The following NVL variants were observed in gnomAD, a reference collection of about 807,000 sequenced individuals.
NVL encodes nuclear VCP like.
Under a neutral mutation model 110.2 loss-of-function variants are expected in NVL, and 84 were observed. The observed-to-expected ratio is 0.76, with a 90% CI of 0.64 to 0.91. The LOEUF (loss-of-function observed/expected upper bound fraction) is 0.91. Ranked by LOEUF, NVL falls within the 40% of genes least tolerant of loss-of-function variation. The pLI is 0.00. For synonymous variants in NVL, 354 were observed against 361.1 expected (o/e 0.98, Z 0.22); for missense variants, 882 against 1,035.9 (o/e 0.85, Z 2.04).
intron 18 of NVL, among the ~76,000 whole-genome samples, chr1:224,259,746 C>T (rs573076929): frequency 1.3e-5 from 2 of 152,236 alleles, no homozygotes; most frequent in East Asian, 1.9e-4. Context: ...CTTTCACTTT[C>T]CAGGTTCAAG....
intron 6 of NVL, among the ~76,000 whole-genome samples, chr1:224,307,536 T>C (rs1174388991): frequency 1.3e-5 from 2 of 151,966 alleles, no homozygotes; most frequent in Non-Finnish European, 2.9e-5. Context: ...ACACCATCTC[T>C]AGAAAAGATA....
chr1:224,316,327 A>G (rs866599451), intron 4 of NVL, among the ~76,000 whole-genome samples: 8 of 152,250 alleles, frequency 5.3e-5, no homozygotes, highest in South Asian at 2.1e-4. Context: ...CCAGACTTTA[A>G]AAGTATGATT....
At chr1:224,237,449 C>T (rs2102709528) in intron 19 of NVL, among the ~76,000 whole-genome samples, 1 of 152,278 alleles carries the variant, frequency 6.6e-6, no homozygotes, top group East Asian at 1.9e-4. Context: ...ACTTAGAACT[C>T]TTAGAATTTC....
At chr1:224,281,541 C>T (rs1666326811) in intron 15 of NVL, among the ~76,000 whole-genome samples, 1 of 151,586 alleles carries the variant, frequency 6.6e-6, no homozygotes, top group Non-Finnish European at 1.5e-5. Flanking sequence ...ACCTCGTGAT[C>T]AGCCTGCCTC....
chr1:224,251,484 C>A (rs1180166672), intron 18 of NVL, among the ~76,000 whole-genome samples: 2 of 151,626 alleles, frequency 1.3e-5, no homozygotes, highest in African/African-American at 2.4e-5. Flanking sequence ...CTAAAAAAAA[C>A]AAAACATTAG....
At chr1:224,306,329 C>T (rs1289596071) in intron 6 of NVL, among the ~76,000 whole-genome samples, 2 of 151,974 alleles carry the variant, frequency 1.3e-5, no homozygotes, top group African/African-American at 4.8e-5. Flanking sequence ...TGCAGTGGCA[C>T]GATCTCAGCG....
chr1:224,279,474 T>G (rs1023466884), intron 16 of NVL, among the ~76,000 whole-genome samples: 1 of 152,156 alleles, frequency 6.6e-6, no homozygotes, highest in South Asian at 2.1e-4. Context: ...CCAAACCAAG[T>G]TGCAAAATAA....
chr1:224,280,402 T>C (rs1056690726), intron 16 of NVL, among the ~76,000 whole-genome samples: 1 of 152,152 alleles, frequency 6.6e-6, no homozygotes, highest in African/African-American at 2.4e-5. Flanking sequence ...GGCTATAACC[T>C]TCTTTTCCAA....
chr1:224,257,076 C>T (rs1220687127), intron 18 of NVL: 6 of 532,560 alleles, frequency 1.1e-5, no homozygotes, highest in Non-Finnish European at 2.3e-5. Context: ...CTTTTCCCAA[C>T]TTTGGGAAAT....
Position 224,283,160 on chromosome 1 carries a change from G to T in NVL, c.1900-1975C>A, listed in dbSNP as rs181341131. On this transcript the variant is annotated intron_variant, in intron 15 of 22. Transcript: ENST00000281701. Reference sequence around the variant, plus strand: ...GTGAAGTCCATTCATGGAGTCCTAGGTAAGAGTCCCTGCTCCCAAAGGTCA... The same window carrying T: ...GTGAAGTCCATTCATGGAGTCCTAGTTAAGAGTCCCTGCTCCCAAAGGTCA... 2.7e-3 allele frequency among the ~76,000 whole-genome samples: 406 copies of T among 152,260 alleles called. 1 individual carries two copies. Among genetic ancestry groups the T allele is most frequent in the Non-Finnish European group, 4.7e-3 (321 of 68,022 alleles).
chr1:224,276,471 T>G (rs890193506), intron 16 of NVL, among the ~76,000 whole-genome samples: 2 of 152,076 alleles, frequency 1.3e-5, no homozygotes, highest in African/African-American at 4.8e-5. Flanking sequence ...ACTCCTGAAC[T>G]CAAATATCCA....
chr1:224,253,927 T>C (rs1662843304), intron 18 of NVL, among the ~76,000 whole-genome samples: 1 of 152,140 alleles, frequency 6.6e-6, no homozygotes, highest in African/African-American at 2.4e-5. Flanking sequence ...TTAATTTGCA[T>C]TTCCCTAGTG....
chr1:224,299,587 A>T lies in NVL; in HGVS notation c.1062+975T>A, dbSNP rs550335854. ...AACCTAAAGATGCCATTTGCCTCTTATCCTTATTCATCGTGTTTACCATAC... is the reference window on the plus strand; with the variant it reads ...AACCTAAAGATGCCATTTGCCTCTTTTCCTTATTCATCGTGTTTACCATAC... On this transcript the variant is annotated intron_variant, in intron 10 of 22. Transcript: ENST00000281701. Among the ~76,000 whole-genome samples, 3 of 152,248 alleles carry T rather than the reference A, an allele frequency of 2.0e-5. 1 individual carries two copies. In the South Asian group the frequency reaches 6.2e-4, roughly 32 times the overall value.
chr1:224,275,269 C>T, intron 17 of NVL, 70 bp downstream of exon 17: 2 of 1,573,246 alleles, frequency 1.3e-6, no homozygotes, highest in South Asian at 1.1e-5. Context: ...ATAAGAAATA[C>T]CTGGCTTGGA....
At chr1:224,232,608 C>T (rs1660025839) in intron 21 of NVL, among the ~76,000 whole-genome samples, 1 of 152,106 alleles carries the variant, frequency 6.6e-6, no homozygotes, top group Non-Finnish European at 1.5e-5. Context: ...AATCCTCCTG[C>T]CGCAGCTTCC....
intron 22 of NVL, among the ~76,000 whole-genome samples, chr1:224,229,581 C>T (rs141743563): frequency 1.6e-4 from 25 of 151,816 alleles, no homozygotes; most frequent in Admixed American, 1.2e-3. Context: ...ACTACAGGTG[C>T]GCAGTAGCTG....
intron 19 of NVL, among the ~76,000 whole-genome samples, chr1:224,244,022 T>C (rs1057000957): frequency 6.6e-6 from 1 of 151,974 alleles, no homozygotes; most frequent in Non-Finnish European, 1.5e-5. Flanking sequence ...ATAATGTTTC[T>C]GGTTTTCTGA....
intron 18 of NVL, among the ~76,000 whole-genome samples, chr1:224,263,483 T>A (rs1240230928): frequency 6.6e-6 from 1 of 152,196 alleles, no homozygotes; most frequent in East Asian, 1.9e-4. Context: ...GAAAAGTTGG[T>A]CTTTTTCTAA....
chr1:224,294,292 T>C lies in NVL; in HGVS notation c.1300A>G (p.Ile434Val), dbSNP rs376103318. ...GRFDREICLG[I>V]PDEASRERIL... Reference sequence around the variant, plus strand: ...CTTTCCCTGGATGCTTCATCTGGGATACCTAGGCATATTTCTCGGTCGAAC... The same window carrying C: ...CTTTCCCTGGATGCTTCATCTGGGACACCTAGGCATATTTCTCGGTCGAAC... Residue 434 changes from isoleucine (I) to valine (V), a missense_variant, in exon 12 of 23, where the codon ATC (isoleucine) becomes GTC (valine). Around this residue, in one of 4 missense-constraint regions of NVL, gnomAD observed 416 missense variants for 499.3 expected, o/e 0.83. Transcript: ENST00000281701. 2.6e-5 allele frequency: 42 copies of C among 1,614,206 alleles called. No individual in the cohort carries two copies. Among genetic ancestry groups the C allele is most frequent in the Non-Finnish European group, 3.4e-5 (40 of 1,180,032 alleles).
Sources: allele counts gnomAD v4.1 joint callset (sites outside exome capture counted in the v4.1 genomes callset), GRCh38; gene constraint gnomAD v4.1.1; regional missense constraint gnomAD v4.1.1; transcripts MANE v1.5; gene names NCBI Gene and HGNC (gene_info 2026-07-23, HGNC 2026-07-21).